WDR27: variants seen among roughly 807,000 people sequenced by gnomAD.
WDR27 encodes WD repeat domain 27.
Under a neutral mutation model 114.4 loss-of-function variants are expected in WDR27, and 100 were observed. That is an observed-to-expected ratio of 0.87 (90% CI 0.74 to 1.03). The LOEUF (loss-of-function observed/expected upper bound fraction) is 1.03, where lower values mean the gene tolerates loss of function less well. Among genes scored for constraint, WDR27 ranks in the 50% least tolerant of loss-of-function variants. WDR27 has a pLI of 0.00. For synonymous variants in WDR27, 449 were observed against 423.1 expected (o/e 1.06, Z -0.75); for missense variants, 1,129 against 1,092.9 (o/e 1.03, Z -0.47).
intron 25 of WDR27, among the ~76,000 whole-genome samples, chr6:169,551,737 C>CAA (rs1296878043): frequency 1.8e-4 from 11 of 60,668 alleles, no homozygotes; most frequent in African/African-American, 3.6e-4. Context: ...GACTCCATCT[C>CAA]AAAAAAAAAA....
chr6:169,557,854 TA>T (rs1799139330), intron 25 of WDR27, among the ~76,000 whole-genome samples: 2 of 152,176 alleles, frequency 1.3e-5, no homozygotes, highest in South Asian at 4.1e-4. Context: ...AGATTATCAC[TA>T]AAATAAGAGA....
intron 25 of WDR27, among the ~76,000 whole-genome samples, chr6:169,560,669 A>G (rs1383705177): frequency 6.6e-6 from 1 of 152,238 alleles, no homozygotes; most frequent in Non-Finnish European, 1.5e-5. Flanking sequence ...CCTCAGCTAC[A>G]TATCCAGTAC....
rs148863342 is a variant in WDR27, at chr6:169,654,974, C to T, written c.1403-2966G>A. On this transcript the variant is annotated intron_variant, in intron 13 of 25. Coordinates refer to ENST00000448612, the MANE Select transcript of WDR27 (RefSeq NM_182552.5). ...AAGGAGGGGATTTTTAGGTAACCCC[C>T]AACACAGCCTCGTTGTCTCTTACTC... 1.9e-4 allele frequency among the ~76,000 whole-genome samples: 29 copies of T among 152,336 alleles called. No individual in the cohort carries two copies. The East Asian group carries it at 5.4e-3, about 28-fold the overall frequency.
chr6:169,504,339 G>A (rs1294990151), intron 25 of WDR27, among the ~76,000 whole-genome samples: 1 of 152,194 alleles, frequency 6.6e-6, no homozygotes, highest in Non-Finnish European at 1.5e-5. Flanking sequence ...TGTGTCAAGG[G>A]TAGGACCAGG....
chr6:169,597,953 T>C (rs1807168883), intron 23 of WDR27, among the ~76,000 whole-genome samples: 3 of 145,292 alleles, frequency 2.1e-5, no homozygotes, highest in South Asian at 2.3e-4. Flanking sequence ...GCCTGAAACA[T>C]AGGTCTCTTT....
chr6:169,659,269 C>G lies in WDR27; in HGVS notation c.1198-62G>C, dbSNP rs1215793794. On this transcript the variant is annotated intron_variant, in intron 11 of 25. Transcript: ENST00000448612. This position sits in a 1 kb window ranked among gnomAD's most constrained non-coding sequence, Gnocchi z 4.3. ...ACCCAGTAAAAGCAGACGAAACGTG[C>G]ATCCGCACACGTATCCTAACAGCTG... 1 of 1,556,866 alleles carries G rather than the reference C, an allele frequency of 6.4e-7. No homozygotes were observed. The highest frequency in any genetic ancestry group is 8.7e-7 in the Non-Finnish European group (1 of 1,149,306).
intron 1 of WDR27, among the ~76,000 whole-genome samples, chr6:169,699,642 A>T (rs1013876658): frequency 2.0e-5 from 3 of 152,168 alleles, no homozygotes; most frequent in Non-Finnish European, 2.9e-5. Context: ...TCATAGCCAC[A>T]TCAGATGAGA....
In WDR27 at chr6:169,567,772, GCTTTTT is replaced by G. The variant is rs1387998319; in HGVS notation, c.2645+4641_2645+4646del. On this transcript the variant is annotated intron_variant, in intron 25 of 25. Coordinates refer to ENST00000448612, the MANE Select transcript of WDR27 (RefSeq NM_182552.5). ...GGCAAAACCCAGGGCTGCGAGTCCT[GCTTTTT>G]AGGATGCTCCCAGGACCTGCACCTC... Among the ~76,000 whole-genome samples, 4 of 152,282 alleles carry G rather than the reference GCTTTTT, an allele frequency of 2.6e-5. No homozygotes were observed. In the South Asian group the frequency reaches 8.3e-4, roughly 32 times the overall value.
chr6:169,494,997 A>G (rs1790217202), intron 25 of WDR27, among the ~76,000 whole-genome samples: 1 of 152,214 alleles, frequency 6.6e-6, no homozygotes, highest in African/African-American at 2.4e-5. Context: ...CATACACATT[A>G]CCGTAAGTCA....
chr6:169,652,042 A>G (rs1326343741), intron 13 of WDR27, 34 bp from the exon 14 acceptor site: 1 of 1,593,190 alleles, frequency 6.3e-7, no homozygotes, highest in East Asian at 2.2e-5. Context: ...AGAAACAAAC[A>G]CTTAAAATTA....
chr6:169,519,177 A>G (rs375159008), intron 25 of WDR27, among the ~76,000 whole-genome samples: 1 of 152,204 alleles, frequency 6.6e-6, no homozygotes. Flanking sequence ...ATTTTCCCTT[A>G]TCTTTCTGTT....
Position 169,659,297 on chromosome 6 carries a change from T to C in WDR27, c.1198-90A>G. On this transcript the variant is annotated intron_variant, in intron 11 of 25. Transcript: ENST00000448612. The surrounding 1 kb of genome is among the most constrained non-coding windows in gnomAD (Gnocchi z 4.3). Reference sequence around the variant, plus strand: ...CCGCACACGTATCCTAACAGCTGCTTCATTCTCATAGCAGCGACATCGCCC... The same window carrying C: ...CCGCACACGTATCCTAACAGCTGCTCCATTCTCATAGCAGCGACATCGCCC... 6.4e-7 allele frequency: 1 copy of C among 1,554,492 alleles called. No individual in the cohort carries two copies. The highest frequency in any genetic ancestry group is 8.7e-7 in the Non-Finnish European group (1 of 1,145,798).
intron 25 of WDR27, among the ~76,000 whole-genome samples, chr6:169,529,247 C>CT (rs1795294625): frequency 6.8e-6 from 1 of 146,458 alleles, no homozygotes; most frequent in Non-Finnish European, 1.5e-5. Context: ...TAGACGCATA[C>CT]ACACCCACAC....
intron 21 of WDR27, among the ~76,000 whole-genome samples, chr6:169,626,788 C>G (rs529610894): frequency 2.6e-5 from 4 of 152,344 alleles, no homozygotes; most frequent in Admixed American, 2.0e-4. Flanking sequence ...ACACACAGAA[C>G]CAGCCCTTCG....
At chr6:169,571,242 C>A (rs73790027) in intron 25 of WDR27, among the ~76,000 whole-genome samples, 1 of 145,168 alleles carries the variant, frequency 6.9e-6, no homozygotes, top group South Asian at 2.3e-4. Context: ...CACCCACATA[C>A]CTTAGTCAGA....
In WDR27 at chr6:169,629,054, C is replaced by T. The variant is rs370520859; in HGVS notation, c.2223+3893G>A. Among the ~76,000 whole-genome samples, 20 of 152,268 alleles carry T rather than the reference C, an allele frequency of 1.3e-4. No individual in the cohort carries two copies. The South Asian group carries it at 2.5e-3, about 19-fold the overall frequency. On this transcript the variant is annotated intron_variant, in intron 21 of 25. Transcript: ENST00000448612. ...CTTTATATATGCAAAAGGTTAGAAA[C>T]TCTTCTATTATGAAGTGGGAACAGA... is the stretch of plus-strand genomic sequence containing the variant.
At chr6:169,619,448 C>G (rs1223308348) in intron 21 of WDR27, among the ~76,000 whole-genome samples, 4 of 152,146 alleles carry the variant, frequency 2.6e-5, no homozygotes, top group African/African-American at 9.7e-5. Context: ...GACCACGGCC[C>G]GTGACACAGC....
At chr6:169,630,725 C>G (rs1398844402) in intron 21 of WDR27, among the ~76,000 whole-genome samples, 1 of 152,152 alleles carries the variant, frequency 6.6e-6, no homozygotes, top group Admixed American at 6.5e-5. Context: ...GAAACTCCAT[C>G]TCTACTAAAA....
At chr6:169,443,555 AG>A in the WDR27 span, among the ~76,000 whole-genome samples, 4 of 152,216 alleles carry the variant, frequency 2.6e-5, no homozygotes, top group African/African-American at 9.6e-5. Flanking sequence ...GCTGACCAAC[AG>A]GAAGTCCATG....
Sources: allele counts gnomAD v4.1 joint callset (sites outside exome capture counted in the v4.1 genomes callset), GRCh38; gene constraint gnomAD v4.1.1; non-coding constraint Gnocchi (gnomAD v3.1); transcripts MANE v1.5; gene names NCBI Gene and HGNC (gene_info 2026-07-23, HGNC 2026-07-21).